CDK2: variants seen among roughly 807,000 people sequenced by gnomAD.
The protein encoded by CDK2 is cyclin-dependent kinase 2.
In CDK2, 8 loss-of-function variants were observed where a neutral mutation model predicts 35.0. The observed-to-expected ratio is 0.23, with a 90% CI of 0.13 to 0.41. The LOEUF (loss-of-function observed/expected upper bound fraction) is 0.41, where lower values mean the gene tolerates loss of function less well. Ranked by LOEUF, CDK2 falls within the 10% of genes least tolerant of loss-of-function variation. The pLI, the probability that CDK2 is intolerant of heterozygous loss-of-function variation, is 1.00. For missense variants in CDK2, 201 were observed against 367.1 expected (o/e 0.55, Z 3.70); for synonymous variants, 134 against 137.7 (o/e 0.97, Z 0.19).
chr12:55,967,771 C>G, intron 1 of CDK2, 86 bp from the exon 2 acceptor site: 1 of 1,141,456 alleles, frequency 8.8e-7, no homozygotes, highest in Non-Finnish European at 1.3e-6. Context: ...TGGGTGGTGT[C>G]TCCTTGGGGG....
intron 5 of CDK2, chr12:55,970,733 C>T (rs1056283043): frequency 1.9e-5 from 13 of 701,530 alleles, no homozygotes; most frequent in Non-Finnish European, 3.1e-5. Flanking sequence ...AGTGTCTACC[C>T]CCTACCCCGT....
intron 3 of CDK2, chr12:55,968,407 C>T: frequency 1.9e-6 from 1 of 521,032 alleles, no homozygotes; most frequent in Non-Finnish European, 3.4e-6. Flanking sequence ...GGTGGGAGGT[C>T]AGATGAAACT....
rs556791341 is a variant in CDK2, at chr12:55,971,044, G to T, written c.589G>T (p.Val197Leu). Reference protein sequence around the residue: ...WSLGCIFAEMVTRRALFPGDS... With the variant: ...WSLGCIFAEMLTRRALFPGDS... ...GTATTTCCTCTTTCCCCATTTTCAGGTGACTCGCCGGGCCCTATTCCCTGG... is the reference window on the plus strand; with the variant it reads ...GTATTTCCTCTTTCCCCATTTTCAGTTGACTCGCCGGGCCCTATTCCCTGG... Residue 197 changes from valine (V) to leucine (L), a missense_variant and splice_region_variant, in exon 6 of 7, where the codon GTG becomes TTG. Around this residue, in one of 5 missense-constraint regions of CDK2, gnomAD observed 106 missense variants for 141.3 expected, o/e 0.75. Coordinates refer to ENST00000266970, the MANE Select transcript of CDK2 (RefSeq NM_001798.5). 1 of 1,613,846 alleles carries T rather than the reference G, an allele frequency of 6.2e-7. No individual in the cohort carries two copies. Among genetic ancestry groups the T allele is most frequent in the Admixed American group, 1.7e-5 (1 of 60,006 alleles).
In CDK2 at chr12:55,967,844, C is replaced by T; in HGVS notation, c.117-13C>T. ...AACCATATTCCCATCTCTGCTTTCCCAACCTCTCCAAGTGAGACTGAGGGT... is the reference window on the plus strand; with the variant it reads ...AACCATATTCCCATCTCTGCTTTCCTAACCTCTCCAAGTGAGACTGAGGGT... On this transcript the variant is annotated splice_polypyrimidine_tract_variant and intron_variant, in intron 1 of 6. Transcript: ENST00000266970. The T allele has an allele frequency of 6.2e-7, 1 of 1,611,302 alleles. No individual in the cohort carries two copies. The highest frequency in any genetic ancestry group is 8.5e-7 in the Non-Finnish European group (1 of 1,177,458).
Position 55,968,155 on chromosome 12 carries a change from C to T in CDK2, c.301C>T (p.Leu101Phe). ...TGCCTCTGCTCTCACTGGCATTCCT[C>T]TTCCCCTCATCAAGGTAATGCTTCT... ...MDASALTGIP[L>F]PLIKSYLFQL... is the part of the protein sequence containing the mutation. The change falls in exon 3 of 7, where the codon CTT becomes TTT. Residue 101 changes from leucine (L) to phenylalanine (F), a missense_variant. Leu to Phe is a conservative substitution (Grantham distance 22). This residue lies in a region of CDK2 where 47 missense variants were observed against 59.5 expected (regional missense o/e 0.79). Transcript: ENST00000266970. 1 of 1,614,162 alleles carries T rather than the reference C, an allele frequency of 6.2e-7. No homozygotes were observed. Among genetic ancestry groups the T allele is most frequent in the Non-Finnish European group, 8.5e-7 (1 of 1,179,994 alleles).
chr12:55,967,586 A>G (rs531877203), intron 1 of CDK2: 108 of 504,846 alleles, frequency 2.1e-4, no homozygotes, highest in Non-Finnish European at 3.2e-4. Flanking sequence ...CTACTCCTGC[A>G]TTTTTTCCCC....
intron 4 of CDK2, among the ~76,000 whole-genome samples, chr12:55,969,209 G>T: frequency 6.6e-6 from 1 of 152,106 alleles, no homozygotes; most frequent in East Asian, 1.9e-4. Flanking sequence ...GCAACATAGC[G>T]AGACCCCATC....
chr12:55,968,760 CTCTT>C lies in CDK2; in HGVS notation c.316-14_316-11del, dbSNP rs752917240. The C allele has an allele frequency of 1.9e-6, 3 of 1,572,780 alleles. No individual in the cohort carries two copies. The highest frequency in any genetic ancestry group is 2.6e-6 in the Non-Finnish European group (3 of 1,161,590). ...CACTGTAATGGAGAAACACAGTCCTCTCTTTCTCCTTTGTCAGAGCTATCTGTTC... is the reference window on the plus strand; with the variant it reads ...CACTGTAATGGAGAAACACAGTCCTCTCTCCTTTGTCAGAGCTATCTGTTC... On this transcript the variant is annotated splice_polypyrimidine_tract_variant and intron_variant, in intron 3 of 6. Transcript: ENST00000266970.
At chr12:55,967,401 AG>A in intron 1 of CDK2, 1 of 494,744 alleles carries the variant, frequency 2.0e-6, no homozygotes, top group South Asian at 2.4e-5. Context: ...GAGAGAAAGG[AG>A]GTCTCTGAGA....
In CDK2 at chr12:55,972,436, G is replaced by A. The variant is rs924344552; in HGVS notation, c.*811G>A. On this transcript the variant is annotated 3_prime_UTR_variant, in exon 7 of 7. Coordinates refer to ENST00000266970, the MANE Select transcript of CDK2 (RefSeq NM_001798.5). ...CTGACGTCCACCTCCTACCCCATAG[G>A]AGTTAGAAGTTAGGGTTTAGGCATC... 4.6e-5 allele frequency: 7 copies of A among 152,182 alleles called. No homozygotes were observed. Among genetic ancestry groups the A allele is most frequent in the Non-Finnish European group, 1.0e-4 (7 of 68,030 alleles). The allele number at this position is 152,182 out of a possible 1,614,324, so 9.4% of individuals were successfully genotyped here.
At chr12:55,967,174 T>TC (rs751307131) in intron 1 of CDK2, 50 bp downstream of exon 1, 25 of 1,398,256 alleles carry the variant, frequency 1.8e-5, no homozygotes, top group African/African-American at 5.7e-5. Context: ...TCCTTGATTG[T>TC]CCCCCCCAAC....
At chr12:55,969,416 G>C in intron 4 of CDK2, 59 bp from the exon 5 acceptor site, 1 of 856,794 alleles carries the variant, frequency 1.2e-6, no homozygotes. Context: ...GAGGAACTGA[G>C]ATGCGGGAAT....
chr12:55,967,475 A>G, intron 1 of CDK2: 1 of 411,592 alleles, frequency 2.4e-6, no homozygotes, highest in South Asian at 3.2e-5. Flanking sequence ...GCCTTTCTGA[A>G]TGAAGAGCCC....
chr12:55,969,643 A>G (rs1889424354), intron 5 of CDK2, 67 bp downstream of exon 5: 2 of 877,348 alleles, frequency 2.3e-6, no homozygotes, highest in East Asian at 5.2e-5. Context: ...GAACAACAGA[A>G]CTGCTTCTTG....
intron 6 of CDK2, 33 bp from the exon 7 acceptor site, chr12:55,971,488 A>T: frequency 6.7e-7 from 1 of 1,498,878 alleles, no homozygotes; most frequent in African/African-American, 1.4e-5. Flanking sequence ...CCACTATCAC[A>T]TCATTGAAGT....
At chr12:55,970,369 T>C (rs1225191619) in intron 5 of CDK2, among the ~76,000 whole-genome samples, 1 of 151,432 alleles carries the variant, frequency 6.6e-6, no homozygotes, top group African/African-American at 2.4e-5. Context: ...TGAAGGATCC[T>C]TGAAGCCTGG....
At chr12:55,970,540 G>A in intron 5 of CDK2, 1 of 690,474 alleles carries the variant, frequency 1.4e-6, no homozygotes, top group South Asian at 1.5e-5. Flanking sequence ...TCCCCCCAGT[G>A]CATTACCTTA....
chr12:55,968,694 T>G (rs906247858), intron 3 of CDK2, 84 bp from the exon 4 acceptor site: 2 of 1,013,188 alleles, frequency 2.0e-6, no homozygotes, highest in African/African-American at 3.3e-5. Flanking sequence ...TAATAAAGGC[T>G]TTAGTAGAGT....
At chr12:55,971,491 A>T (rs755515123) in intron 6 of CDK2, 30 bp from the exon 7 acceptor site, 6 of 1,523,442 alleles carry the variant, frequency 3.9e-6, no homozygotes, top group Non-Finnish European at 5.5e-6. Context: ...CTATCACATC[A>T]TTGAAGTCAA....
Sources: allele counts gnomAD v4.1 joint callset (sites outside exome capture counted in the v4.1 genomes callset), GRCh38; gene constraint gnomAD v4.1.1; regional missense constraint gnomAD v4.1.1; transcripts MANE v1.5; gene names NCBI Gene and HGNC (gene_info 2026-07-23, HGNC 2026-07-21).